The following TMX1 variants were observed in gnomAD, a reference collection of about 807,000 sequenced individuals.
TMX1 encodes the protein thioredoxin-related transmembrane protein 1.
A neutral mutation model predicts 36.6 loss-of-function variants in TMX1; 25 were observed. The observed-to-expected ratio is 0.68, with a 90% CI of 0.50 to 0.95. The LOEUF (loss-of-function observed/expected upper bound fraction) is 0.95. TMX1 is among the 40% of genes least tolerant of loss of function. TMX1 has a pLI of 0.00. For missense variants in TMX1, 347 were observed against 339.6 expected (o/e 1.02, Z -0.17); for synonymous variants, 133 against 118.0 (o/e 1.13, Z -0.82).
intron 7 of TMX1, among the ~76,000 whole-genome samples, chr14:51,252,444 G>C (rs547193546): frequency 9.2e-5 from 14 of 151,576 alleles, no homozygotes; most frequent in African/African-American, 2.9e-4. Flanking sequence ...CAGTATGACA[G>C]ACATTTTTTA....
chr14:51,240,832 C>G (rs1262662815), intron 1 of TMX1, among the ~76,000 whole-genome samples: 1 of 152,124 alleles, frequency 6.6e-6, no homozygotes, highest in Non-Finnish European at 1.5e-5. Context: ...TTATTTTCAC[C>G]ACATTTTACA....
intron 1 of TMX1, among the ~76,000 whole-genome samples, chr14:51,242,593 C>T (rs760257513): frequency 6.6e-6 from 1 of 152,042 alleles, no homozygotes; most frequent in African/African-American, 2.4e-5. Flanking sequence ...GCCTGGGCAA[C>T]ATGGCAAAAA....
intron 3 of TMX1, 187 bp downstream of exon 3, chr14:51,245,545 A>C: frequency 7.2e-7 from 1 of 1,395,088 alleles, no homozygotes; most frequent in Non-Finnish European, 9.7e-7. Flanking sequence ...GATGTGTGAA[A>C]CAGTCTCTGT....
chr14:51,256,248 A>G lies in TMX1; in HGVS notation c.*1729A>G, dbSNP rs563298521. 1 of 151,930 alleles carries G rather than the reference A, an allele frequency of 6.6e-6. No individual in the cohort carries two copies. The highest frequency in any genetic ancestry group is 1.5e-5 in the Non-Finnish European group (1 of 67,910). The allele number at this position is 151,930 out of a possible 1,614,324, so 9.4% of individuals were successfully genotyped here. Reference sequence around the variant, plus strand: ...TTTTTTTTTTTTAGTGTTCTAGTATATGTGACATGGCCAATTTTTTTATTA... The same window carrying G: ...TTTTTTTTTTTTAGTGTTCTAGTATGTGTGACATGGCCAATTTTTTTATTA... On this transcript the variant is annotated 3_prime_UTR_variant, in exon 8 of 8. Transcript: ENST00000457354.
intron 7 of TMX1, chr14:51,254,061 A>G (rs868013283): frequency 2.9e-4 from 64 of 219,550 alleles, no homozygotes; most frequent in African/African-American, 1.5e-3. Context: ...CACAACTTCC[A>G]TATTCACAAC....
intron 3 of TMX1, chr14:51,245,654 G>C (rs1035348184): frequency 6.5e-6 from 3 of 460,254 alleles, no homozygotes; most frequent in South Asian, 4.2e-5. Flanking sequence ...GTAGTGGTGA[G>C]TCCTGTAGGT....
chr14:51,249,355 T>C lies in TMX1; in HGVS notation c.473T>C (p.Leu158Pro). 1 of 1,608,070 alleles carries C rather than the reference T, an allele frequency of 6.2e-7. No individual in the cohort carries two copies. Residue 158 changes from leucine to proline, a missense_variant, in exon 5 of 8, where the codon CTA becomes CCA. Coordinates refer to ENST00000457354, the MANE Select transcript of TMX1 (RefSeq NM_030755.5). ...AGTAGTATGTCAGCACTCTTTCAGC[T>C]ATCTATGTGGATCAGGGTATGGACT... ...LMSSMSALFQ[L>P]SMWIRTCHNY...
Position 51,254,516 on chromosome 14 carries a change from C to T in TMX1, c.840C>T (p.Ser280=). 6.3e-7 allele frequency: 1 copy of T among 1,582,560 alleles called. No homozygotes were observed. The highest frequency in any genetic ancestry group is 2.3e-5 in the East Asian group (1 of 44,196). The part of the protein sequence containing the change: ...SLGPSLATDK[S] ...GTCCATCATTGGCCACAGATAAATC[C>T]TAGTTAAATTTTATAGTTATCTTAA... Residue 280 remains serine, a synonymous_variant, in exon 8 of 8, where the codon TCC becomes TCT. Transcript: ENST00000457354.
At chr14:51,243,399 T>TA (rs1470109576) in intron 1 of TMX1, among the ~76,000 whole-genome samples, 1 of 152,240 alleles carries the variant, frequency 6.6e-6, no homozygotes, top group Non-Finnish European at 1.5e-5. Flanking sequence ...GTGGCAATCC[T>TA]ACTTAATAAT....
intron 2 of TMX1, 186 bp downstream of exon 2, chr14:51,244,157 G>A (rs2065775135): frequency 2.3e-6 from 1 of 439,016 alleles, no homozygotes; most frequent in Admixed American, 4.2e-5. Context: ...TTGCAAAATG[G>A]AGATTCCCTG....
At chr14:51,249,417 CTT>C in intron 5 of TMX1, 46 bp downstream of exon 5, 1 of 1,589,266 alleles carries the variant, frequency 6.3e-7, no homozygotes, top group Non-Finnish European at 8.5e-7. Context: ...ACCACTATCA[CTT>C]TAACAAAAAT....
chr14:51,249,128 C>T (rs1380629897), intron 4 of TMX1, among the ~76,000 whole-genome samples, 198 bp from the exon 5 acceptor site: 1 of 152,130 alleles, frequency 6.6e-6, no homozygotes, highest in African/African-American at 2.4e-5. Flanking sequence ...ATTTATGAGG[C>T]TGTCACATGG....
chr14:51,240,775 C>T (rs1596403035), intron 1 of TMX1, among the ~76,000 whole-genome samples: 1 of 152,236 alleles, frequency 6.6e-6, no homozygotes, highest in South Asian at 2.1e-4. Context: ...GGGAGGTGTC[C>T]GACTCGTGTC....
chr14:51,254,454 G>C lies in TMX1; in HGVS notation c.778G>C (p.Asp260His), dbSNP rs1271619158. The C allele has an allele frequency of 1.9e-6, 3 of 1,611,700 alleles. No individual in the cohort carries two copies. Among genetic ancestry groups the C allele is most frequent in the Non-Finnish European group, 2.5e-6 (3 of 1,179,198 alleles). ...TGAAAGTAAAGAAGGAACAAACAAA[G>C]ACTTTCCACAGAATGCCATAAGACA... is the stretch of plus-strand genomic sequence containing the variant. ...EAESKEGTNK[D>H]FPQNAIRQRS... Residue 260 changes from aspartate to histidine, a missense_variant, in exon 8 of 8, where the codon GAC becomes CAC. Coordinates refer to ENST00000457354, the MANE Select transcript of TMX1 (RefSeq NM_030755.5).
chr14:51,254,293 C>T (rs1184021836), intron 7 of TMX1, 48 bp from the exon 8 acceptor site: 3 of 1,514,808 alleles, frequency 2.0e-6, no homozygotes, highest in South Asian at 1.4e-5. Context: ...TACTCTAAAG[C>T]AAATCTAATA....
Position 51,254,402 on chromosome 14 carries a change from T to TGAAGAAGATGTTTCA in TMX1, c.735_749dup (p.Asp245_Glu249dup). 1 of 1,612,292 alleles carries TGAAGAAGATGTTTCA rather than the reference T, an allele frequency of 6.2e-7. No individual in the cohort carries two copies. Among genetic ancestry groups the TGAAGAAGATGTTTCA allele is most frequent in the South Asian group, 1.1e-5 (1 of 90,686 alleles). On this transcript the variant is annotated inframe_insertion, in exon 8 of 8. Coordinates refer to ENST00000457354, the MANE Select transcript of TMX1 (RefSeq NM_030755.5). ...AAGTGGAGGAGGAACAAGAGGCGGA[T>TGAAGAAGATGTTTCA]GAAGAAGATGTTTCAGAAGAAGAAG...
chr14:51,245,441 C>T (rs771423144), intron 3 of TMX1, 83 bp downstream of exon 3: 3 of 1,581,888 alleles, frequency 1.9e-6, no homozygotes, highest in Non-Finnish European at 1.7e-6. Flanking sequence ...TTGGATCATG[C>T]TGGAAGAGCT....
At chr14:51,240,520 C>T in intron 1 of TMX1, 76 bp downstream of exon 1, 3 of 1,539,262 alleles carry the variant, frequency 1.9e-6, no homozygotes, top group Non-Finnish European at 2.6e-6. Flanking sequence ...TCGTGCGGGT[C>T]GCAGGCTCCC....
At chr14:51,247,004 T>A (rs1374362040) in intron 3 of TMX1, 88 bp from the exon 4 acceptor site, 2 of 1,188,844 alleles carry the variant, frequency 1.7e-6, no homozygotes, top group East Asian at 5.0e-5. Flanking sequence ...AATGTTAGAA[T>A]TGACTGTAAA....
Sources: gnomAD v4.1 joint callset for allele counts (sites outside exome capture counted in the v4.1 genomes callset) on GRCh38, gnomAD v4.1.1 for gene constraint, MANE v1.5 for transcripts, NCBI Gene and HGNC (gene_info 2026-07-23, HGNC 2026-07-21) for gene names.